The following WARS2 variants were observed in gnomAD, a reference collection of about 807,000 sequenced individuals.
The protein encoded by WARS2 is tryptophan--tRNA ligase, mitochondrial.
WARS2 carries 28 observed loss-of-function variants against 36.5 expected under a neutral mutation model. The ratio of observed to expected loss-of-function variants is 0.77; its 90% CI spans 0.57 to 1.05. WARS2 has a LOEUF of 1.05. Ranked by LOEUF, WARS2 falls within the 50% of genes least tolerant of loss-of-function variation. The probability of loss-of-function intolerance (pLI) is 0.00; values close to 1 mark genes in which losing one functional copy is unlikely to be tolerated. For missense variants in WARS2, 435 were observed against 456.8 expected, an observed-to-expected ratio of 0.95 and a Z score of 0.44; for synonymous variants, 174 against 178.4, an observed-to-expected ratio of 0.98 and a Z score of 0.20.
At chr1:119,109,104 A>G (rs1452861499) in intron 1 of WARS2, among the ~76,000 whole-genome samples, 2 of 151,972 alleles carry the variant, frequency 1.3e-5, no homozygotes, top group Non-Finnish European at 2.9e-5. Context: ...ATTCTCTGAA[A>G]CTTGTTAACA....
chr1:119,062,177 A>G lies in WARS2; in HGVS notation c.348+14173T>C, dbSNP rs545589187. 2.6e-5 allele frequency among the ~76,000 whole-genome samples: 4 copies of G among 152,284 alleles called. No individual in the cohort carries two copies. In the South Asian group the frequency reaches 8.3e-4, roughly 32 times the overall value. On this transcript the variant is annotated intron_variant, in intron 2 of 5. Transcript: ENST00000235521. Reference sequence around the variant, plus strand: ...TTCCTACACCTATGAGTACACCTGGAGAGAAAATACCTCCTGGAGCTAGCT... The same window carrying G: ...TTCCTACACCTATGAGTACACCTGGGGAGAAAATACCTCCTGGAGCTAGCT...
At chr1:119,097,812 T>C (rs181403966) in intron 1 of WARS2, among the ~76,000 whole-genome samples, 11 of 152,204 alleles carry the variant, frequency 7.2e-5, no homozygotes, top group Admixed American at 2.6e-4. Context: ...ATGAGGCTTA[T>C]AGAATGCAGG....
At chr1:119,102,861 A>G (rs1397934325) in intron 1 of WARS2, among the ~76,000 whole-genome samples, 2 of 152,188 alleles carry the variant, frequency 1.3e-5, no homozygotes, top group African/African-American at 4.8e-5. Flanking sequence ...ATCTCTTTGA[A>G]TCTATCAACT....
chr1:119,092,543 A>G (rs1653118926), intron 1 of WARS2, among the ~76,000 whole-genome samples: 1 of 152,130 alleles, frequency 6.6e-6, no homozygotes, highest in Non-Finnish European at 1.5e-5. Context: ...CCGATTCTGC[A>G]CTGTATTCTC....
At chr1:119,114,854 C>T (rs1350873042) in intron 1 of WARS2, among the ~76,000 whole-genome samples, 1 of 152,184 alleles carries the variant, frequency 6.6e-6, no homozygotes, top group Non-Finnish European at 1.5e-5. Context: ...CTTCCAGCTA[C>T]CTTAAATGCA....
At chr1:119,086,072 T>C in intron 1 of WARS2, 1 of 1,132,390 alleles carries the variant, frequency 8.8e-7, no homozygotes, top group South Asian at 1.6e-5. Flanking sequence ...CTTGCCCAGA[T>C]TGGTCTCAAA....
At chr1:119,043,469 A>ATAGAT (rs1648540404) in intron 3 of WARS2, among the ~76,000 whole-genome samples, 1 of 152,184 alleles carries the variant, frequency 6.6e-6, no homozygotes, top group African/African-American at 2.4e-5. Context: ...TAGCCATCTT[A>ATAGAT]ATTTTGGTGT....
chr1:119,045,759 A>AC (rs1648748941), intron 2 of WARS2, 97 bp from the exon 3 acceptor site: 1 of 972,018 alleles, frequency 1.0e-6, no homozygotes, highest in Non-Finnish European at 1.6e-6. Flanking sequence ...GTCTGAAAAT[A>AC]CCCCAAATTA....
chr1:119,087,148 T>C (rs139317880), intron 1 of WARS2, among the ~76,000 whole-genome samples: 227 of 152,276 alleles, frequency 1.5e-3, no homozygotes, highest in African/African-American at 5.2e-3. Context: ...ACATATCACA[T>C]TGATAACTTG....
At position 119,032,593 on chromosome 1, in the gene WARS2, T is replaced by C. The variant is rs1647517550; in HGVS notation, c.*318A>G. The C allele has an allele frequency of 5.8e-6, 2 of 342,118 alleles. No homozygotes were observed. The highest frequency in any genetic ancestry group is 1.1e-5 in the Non-Finnish European group (2 of 187,186). The allele number at this position is 342,118 out of a possible 1,614,324, so 21.2% of individuals were successfully genotyped here. On this transcript the variant is annotated 3_prime_UTR_variant, in exon 6 of 6. Transcript: ENST00000235521. ...GTACTCCAGAGAGAAGCACAAATGA[T>C]ACTCCATTTCCCAAATTACTCCTTA... is the stretch of plus-strand genomic sequence containing the variant.
At chr1:119,131,652 G>A (rs1034234169) in intron 1 of WARS2, among the ~76,000 whole-genome samples, 3 of 152,002 alleles carry the variant, frequency 2.0e-5, no homozygotes, top group Admixed American at 6.5e-5. Context: ...TAGTAGAGAT[G>A]AGGTTTCACC....
At chr1:119,083,624 A>G (rs778351284) in intron 1 of WARS2, among the ~76,000 whole-genome samples, 5 of 152,152 alleles carry the variant, frequency 3.3e-5, no homozygotes, top group Admixed American at 6.5e-5. Flanking sequence ...GGAAGAAATG[A>G]TAAAATATAG....
chr1:119,073,465 A>C (rs1360253143), intron 2 of WARS2, among the ~76,000 whole-genome samples: 1 of 152,204 alleles, frequency 6.6e-6, no homozygotes, highest in Non-Finnish European at 1.5e-5. Flanking sequence ...GACAAATTGT[A>C]TAATGTAGGC....
intron 1 of WARS2, among the ~76,000 whole-genome samples, chr1:119,104,737 T>A (rs1571363918): frequency 2.3e-5 from 3 of 131,366 alleles, no homozygotes; most frequent in African/African-American, 5.6e-5. Context: ...CTAAATAATA[T>A]AGGAGATAAT....
At chr1:119,113,410 G>A (rs1654771379) in intron 1 of WARS2, among the ~76,000 whole-genome samples, 1 of 152,132 alleles carries the variant, frequency 6.6e-6, no homozygotes, top group Non-Finnish European at 1.5e-5. Context: ...AAGAAAGTAA[G>A]GATATCCCTC....
chr1:119,065,147 G>A (rs1186874344), intron 2 of WARS2, among the ~76,000 whole-genome samples: 2 of 151,982 alleles, frequency 1.3e-5, no homozygotes, highest in African/African-American at 2.4e-5. Flanking sequence ...GATCAAATAA[G>A]AAATAATAGT....
intron 2 of WARS2, among the ~76,000 whole-genome samples, chr1:119,048,004 A>G (rs1649002840): frequency 1.3e-5 from 2 of 152,228 alleles, no homozygotes; most frequent in South Asian, 2.1e-4. Context: ...GAGACATACA[A>G]TGTACCTCAG....
intron 1 of WARS2, among the ~76,000 whole-genome samples, chr1:119,110,595 C>G (rs918728280): frequency 6.6e-6 from 1 of 151,528 alleles, no homozygotes; most frequent in South Asian, 2.1e-4. Flanking sequence ...TATGATATGC[C>G]TAGGTATAGT....
At chr1:119,130,747 T>C (rs907940425) in intron 1 of WARS2, among the ~76,000 whole-genome samples, 2 of 152,208 alleles carry the variant, frequency 1.3e-5, no homozygotes, top group East Asian at 1.9e-4. Flanking sequence ...TAAATACTTA[T>C]TGAGCTCCTT....
Sources: allele counts gnomAD v4.1 joint callset (sites outside exome capture counted in the v4.1 genomes callset), GRCh38; gene constraint gnomAD v4.1.1; transcripts MANE v1.5; gene names NCBI Gene and HGNC (gene_info 2026-07-23, HGNC 2026-07-21).